FBXL20: variants seen among roughly 807,000 people sequenced by gnomAD.
FBXL20 encodes F-box/LRR-repeat protein 20.
FBXL20 carries 11 observed loss-of-function variants against 64.0 expected under a neutral mutation model. The ratio of observed to expected loss-of-function variants is 0.17; its 90% CI spans 0.11 to 0.28. The LOEUF is 0.28. FBXL20 is among the 10% of genes least tolerant of loss of function. The pLI is 1.00. For missense variants in FBXL20, 303 were observed against 526.2 expected, an observed-to-expected ratio of 0.58 and a Z score of 4.15; for synonymous variants, 184 against 189.0, an observed-to-expected ratio of 0.97 and a Z score of 0.22.
At chr17:39,325,194 A>T (rs1324788531) in intron 2 of FBXL20, among the ~76,000 whole-genome samples, 2 of 152,128 alleles carry the variant, frequency 1.3e-5, no homozygotes, top group Non-Finnish European at 2.9e-5. Context: ...GATGACAGAG[A>T]CCCTGTCTCA....
At chr17:39,353,643 A>G (rs2047709702) in intron 1 of FBXL20, among the ~76,000 whole-genome samples, 1 of 97,498 alleles carries the variant, frequency 1.0e-5, no homozygotes, top group African/African-American at 3.4e-5. Flanking sequence ...TATTTATTTG[A>G]GACAGAGTCT....
At chr17:39,357,973 A>G (rs1467844196) in intron 1 of FBXL20, among the ~76,000 whole-genome samples, 2 of 152,228 alleles carry the variant, frequency 1.3e-5, no homozygotes, top group African/African-American at 2.4e-5. Flanking sequence ...AACAGAAACA[A>G]TTACATATAT....
chr17:39,264,430 G>A lies in FBXL20; in HGVS notation c.991-43C>T, dbSNP rs756576275. 3 of 1,596,872 alleles carry A rather than the reference G, an allele frequency of 1.9e-6. No individual in the cohort carries two copies. In the African/African-American group the frequency reaches 4.0e-5, roughly 21 times the overall value. On this transcript the variant is annotated intron_variant, in intron 13 of 14. Coordinates refer to ENST00000264658, the MANE Select transcript of FBXL20 (RefSeq NM_032875.3). ...AAGGAAGGATGTTGAAATATCTTCTGGCATTCCTCTAGCCAGAGGCTTGTG... is the reference window on the plus strand; with the variant it reads ...AAGGAAGGATGTTGAAATATCTTCTAGCATTCCTCTAGCCAGAGGCTTGTG...
rs2046712172 is a variant in FBXL20 at position 39,258,224 on chromosome 17, A to AT, written c.*3235dup. On this transcript the variant is annotated 3_prime_UTR_variant, in exon 15 of 15. Transcript: ENST00000264658. ...TTTTTCCTACATTAAGCCTTACTGA[A>AT]TTTTCAAAAGTATCCCAGATGTTGA... 1 of 152,116 alleles carries AT rather than the reference A, an allele frequency of 6.6e-6. No individual in the cohort carries two copies. Among genetic ancestry groups the AT allele is most frequent in the Non-Finnish European group, 1.5e-5 (1 of 68,030 alleles). 9.4% of individuals were successfully genotyped at this position (152,116 alleles called of 1,614,324 possible).
At chr17:39,400,797 C>G (rs374473197) in intron 1 of FBXL20, among the ~76,000 whole-genome samples, 2 of 152,192 alleles carry the variant, frequency 1.3e-5, no homozygotes, top group South Asian at 2.1e-4. Context: ...TACAGAAGTA[C>G]AGACTAAACG....
Position 39,354,787 on chromosome 17 carries a change from T to C in FBXL20, c.43-11546A>G, listed in dbSNP as rs189176351. On this transcript the variant is annotated intron_variant, in intron 1 of 14. Transcript: ENST00000264658. ...TTTAGCAAATAAGATATGAATGATA[T>C]CAGCACAGCAATAGACAGACTGAAT... Among the ~76,000 whole-genome samples the C allele has an allele frequency of 3.9e-5, 6 of 152,232 alleles. No individual in the cohort carries two copies. The South Asian group carries it at 6.2e-4, about 16-fold the overall frequency.
intron 1 of FBXL20, among the ~76,000 whole-genome samples, chr17:39,385,778 T>C (rs1429004384): frequency 6.6e-6 from 1 of 152,150 alleles, no homozygotes; most frequent in Non-Finnish European, 1.5e-5. Context: ...ACGCCTATAA[T>C]CCCAGCACTT....
intron 1 of FBXL20, among the ~76,000 whole-genome samples, chr17:39,400,536 C>A (rs2048231155): frequency 1.3e-5 from 2 of 152,148 alleles, no homozygotes; most frequent in Non-Finnish European, 2.9e-5. Context: ...AAGGAACCTT[C>A]CAGTATATTG....
At chr17:39,276,736 T>C (rs183940908) in intron 9 of FBXL20, among the ~76,000 whole-genome samples, 44 of 152,246 alleles carry the variant, frequency 2.9e-4, no homozygotes, top group African/African-American at 9.6e-4. Context: ...TAATATCTGG[T>C]TGTTTTCTAA....
At chr17:39,287,689 T>G (rs2047001012) in intron 6 of FBXL20, among the ~76,000 whole-genome samples, 1 of 151,980 alleles carries the variant, frequency 6.6e-6, no homozygotes, top group Non-Finnish European at 1.5e-5. Context: ...ACAAGCATGA[T>G]CCACCACACC....
chr17:39,315,829 CAGAGAG>C (rs141728220), intron 2 of FBXL20, among the ~76,000 whole-genome samples: 15,437 of 129,602 alleles, frequency 0.12, 1,104 homozygotes, highest in Admixed American at 0.16. Flanking sequence ...GAGAGAGAGA[CAGAGAG>C]AGAGAGAGAG....
chr17:39,339,314 A>T (rs2047559662), intron 2 of FBXL20, among the ~76,000 whole-genome samples: 2 of 152,128 alleles, frequency 1.3e-5, no homozygotes, highest in Non-Finnish European at 2.9e-5. Flanking sequence ...ATGAAAATTT[A>T]AAAATTAGGC....
At position 39,312,155 on chromosome 17, in the gene FBXL20, G is replaced by A. The variant is rs547279094; in HGVS notation, c.105-8516C>T. The stretch of plus-strand genomic sequence containing the variant: ...GAACTGGCCGGGCATGGTGGCTCAC[G>A]CCTGTAATCCCAGCACTTTAGGAGG... On this transcript the variant is annotated intron_variant, in intron 2 of 14. Coordinates refer to ENST00000264658, the MANE Select transcript of FBXL20 (RefSeq NM_032875.3). Among the ~76,000 whole-genome samples, 91 of 152,194 alleles carry A rather than the reference G, an allele frequency of 6.0e-4. 1 individual carries two copies. Among genetic ancestry groups the A allele is most frequent in the Non-Finnish European group, 2.6e-4 (18 of 68,002 alleles).
rs114950416 is a variant in FBXL20 at position 39,263,563 on chromosome 17, G to A, written c.1203+612C>T. Among the ~76,000 whole-genome samples the A allele has an allele frequency of 8.0e-3, 1,209 of 151,802 alleles. 15 individuals are homozygous for A. Among genetic ancestry groups the A allele is most frequent in the African/African-American group, 0.028 (1,158 of 41,416 alleles). ...CATAAAATTACCTAGGTGTGGTGGT[G>A]TGTGCCTGTAGTCCTAGCTACTGGG... On this transcript the variant is annotated intron_variant, in intron 14 of 14. Transcript: ENST00000264658.
intron 11 of FBXL20, 139 bp downstream of exon 11, chr17:39,270,657 T>C (rs2046835830): frequency 3.1e-6 from 2 of 647,708 alleles, no homozygotes; most frequent in Non-Finnish European, 5.3e-6. Context: ...AGTAGGTCTG[T>C]AGCTATAGCA....
chr17:39,320,373 C>T (rs2047344030), intron 2 of FBXL20, among the ~76,000 whole-genome samples: 1 of 152,180 alleles, frequency 6.6e-6, no homozygotes, highest in South Asian at 2.1e-4. Flanking sequence ...TGCCTGTCTG[C>T]CTTCATCCAT....
intron 1 of FBXL20, among the ~76,000 whole-genome samples, chr17:39,359,179 T>TA (rs377284043): frequency 6.6e-6 from 1 of 151,594 alleles, no homozygotes; most frequent in African/African-American, 2.4e-5. Context: ...AAAAAAAATA[T>TA]AAAAAATTAG....
At chr17:39,357,256 C>T (rs1395636832) in intron 1 of FBXL20, among the ~76,000 whole-genome samples, 1 of 117,996 alleles carries the variant, frequency 8.5e-6, no homozygotes, top group Non-Finnish European at 1.7e-5. Context: ...GCCTAGGCAA[C>T]AAGAGCAAAA....
At chr17:39,269,007 TA>T (rs1304245898) in intron 11 of FBXL20, 136 bp from the exon 12 acceptor site, 91 of 774,272 alleles carry the variant, frequency 1.2e-4, no homozygotes, top group East Asian at 6.1e-4. Flanking sequence ...AGTGTCATGC[TA>T]ATTTTTTTTT....
Sources: gnomAD v4.1 joint callset for allele counts (sites outside exome capture counted in the v4.1 genomes callset) on GRCh38, gnomAD v4.1.1 for gene constraint, MANE v1.5 for transcripts, NCBI Gene and HGNC (gene_info 2026-07-23, HGNC 2026-07-21) for gene names.